The following CNTNAP3 variants were observed in gnomAD, a reference collection of about 807,000 sequenced individuals.
CNTNAP3 encodes contactin associated protein family member 3, also known as contactin-associated protein-like 3.
CNTNAP3 carries 36 observed loss-of-function variants against 92.1 expected under a neutral mutation model. The ratio of observed to expected loss-of-function variants is 0.39; its 90% confidence interval spans 0.30 to 0.52. The LOEUF is 0.52. Among genes scored for constraint, CNTNAP3 ranks in the 20% least tolerant of loss-of-function variants. CNTNAP3 has a pLI of 0.76. For synonymous variants in CNTNAP3, 232 were observed against 422.3 expected (o/e 0.55, Z 5.53); for missense variants, 534 against 1,069.6 (o/e 0.50, Z 6.98).
intron 2 of CNTNAP3, among the ~76,000 whole-genome samples, chr9:39,253,167 TAC>T (rs1325434277): frequency 2.7e-4 from 2 of 7,514 alleles, no homozygotes; most frequent in Admixed American, 3.1e-3. Flanking sequence ...TATATATATA[TAC>T]ACACACACAC....
At position 39,137,767 on chromosome 9, in the gene CNTNAP3, G is replaced by A. The variant is rs7874901; in HGVS notation, c.1876+2752C>T. Among the ~76,000 whole-genome samples the A allele has an allele frequency of 1.5e-3, 234 of 152,270 alleles. 2 individuals carry two copies. Among genetic ancestry groups the A allele is most frequent in the African/African-American group, 5.4e-3 (223 of 41,562 alleles). On this transcript the variant is annotated intron_variant, in intron 12 of 23. Coordinates refer to ENST00000297668, the MANE Select transcript of CNTNAP3 (RefSeq NM_033655.5). The stretch of plus-strand genomic sequence containing the variant: ...CTGACCTCGTGATCCACCTGCCTCA[G>A]CCTCCCACAGTGCTGGGATTACAGG...
At chr9:39,146,934 G>C (rs771683504) in intron 10 of CNTNAP3, among the ~76,000 whole-genome samples, 1 of 152,120 alleles carries the variant, frequency 6.6e-6, no homozygotes, top group Non-Finnish European at 1.5e-5. Flanking sequence ...ATCTCATCTT[G>C]AATTGTAGTT....
chr9:39,077,081 A>T (rs1825796783), intron 23 of CNTNAP3, among the ~76,000 whole-genome samples: 1 of 152,270 alleles, frequency 6.6e-6, no homozygotes, highest in African/African-American at 2.4e-5. Flanking sequence ...ACATATTTTT[A>T]AGCTATGCTT....
At chr9:39,149,703 A>G in intron 10 of CNTNAP3, 103 bp downstream of exon 10, 1 of 718,840 alleles carries the variant, frequency 1.4e-6, no homozygotes, top group South Asian at 1.9e-5. Flanking sequence ...TCGAAAGATA[A>G]CAACAACAAA....
At chr9:39,084,077 C>T (rs1316180959) in intron 21 of CNTNAP3, among the ~76,000 whole-genome samples, 1 of 151,370 alleles carries the variant, frequency 6.6e-6, no homozygotes. Context: ...TAGAATTGCT[C>T]ATATATTAGC....
intron 21 of CNTNAP3, among the ~76,000 whole-genome samples, 178 bp from the exon 22 acceptor site, chr9:39,079,098 T>C (rs1279385723): frequency 1.3e-5 from 2 of 152,114 alleles, no homozygotes; most frequent in African/African-American, 2.4e-5. Flanking sequence ...CTGGCAACTA[T>C]TTCCATTGTC....
chr9:39,133,302 G>T (rs1020834171), intron 12 of CNTNAP3, among the ~76,000 whole-genome samples, 167 bp from the exon 13 acceptor site: 1 of 152,140 alleles, frequency 6.6e-6, no homozygotes, highest in Non-Finnish European at 1.5e-5. Context: ...TACTGAGCCA[G>T]AACTCAGCCT....
intron 13 of CNTNAP3, among the ~76,000 whole-genome samples, chr9:39,122,134 C>T (rs1007309165): frequency 6.6e-6 from 1 of 152,120 alleles, no homozygotes; most frequent in Non-Finnish European, 1.5e-5. Flanking sequence ...GCGGGCAGAT[C>T]ATGAGGTCAG....
intron 21 of CNTNAP3, among the ~76,000 whole-genome samples, chr9:39,079,380 A>G (rs574177626): frequency 2.5e-4 from 38 of 150,810 alleles, no homozygotes; most frequent in Non-Finnish European, 1.9e-4. Flanking sequence ...TGACTTTCAT[A>G]TTATCTTAAT....
intron 21 of CNTNAP3, among the ~76,000 whole-genome samples, chr9:39,081,894 C>T (rs144163400): frequency 0.21 from 29,571 of 142,850 alleles, 3,255 homozygotes; most frequent in East Asian, 0.34. Flanking sequence ...CTGGCTAACA[C>T]GGTGAAACCC....
chr9:39,109,359 A>G, intron 14 of CNTNAP3, 72 bp from the exon 15 acceptor site: 1 of 1,585,018 alleles, frequency 6.3e-7, no homozygotes, highest in East Asian at 2.3e-5. Context: ...CTGATCTCTT[A>G]TCTCAATTTG....
chr9:39,113,770 A>C (rs1216558561), intron 14 of CNTNAP3, among the ~76,000 whole-genome samples: 1 of 151,536 alleles, frequency 6.6e-6, no homozygotes, highest in African/African-American at 2.4e-5. Flanking sequence ...CTTATTCAAC[A>C]ATAATGTATA....
chr9:39,134,429 T>C (rs1004581522), intron 12 of CNTNAP3, among the ~76,000 whole-genome samples: 30 of 150,720 alleles, frequency 2.0e-4, no homozygotes, highest in African/African-American at 6.9e-4. Flanking sequence ...TTTTATTTAA[T>C]TTATTTATTT....
rs556134273 is a variant in CNTNAP3 at position 39,126,469 on chromosome 9, C to T, written c.2080+6463G>A. On this transcript the variant is annotated intron_variant, in intron 13 of 23. Coordinates refer to ENST00000297668, the MANE Select transcript of CNTNAP3 (RefSeq NM_033655.5). ...TCCATGGGCCAGCATTACCCTAATA[C>T]CCAAACCAGCAAAACCTTACAAAAA... Among the ~76,000 whole-genome samples the T allele has an allele frequency of 2.8e-3, 421 of 152,142 alleles. 5 individuals are homozygous for T. The highest frequency in any genetic ancestry group is 5.0e-3 in the Non-Finnish European group (342 of 67,974).
chr9:39,118,481 T>C (rs1451384410), intron 13 of CNTNAP3, among the ~76,000 whole-genome samples: 2 of 152,162 alleles, frequency 1.3e-5, no homozygotes, highest in African/African-American at 4.8e-5. Context: ...AATGATTCCA[T>C]CTATTTTTCT....
At chr9:39,087,831 G>T (rs1441323549) in intron 19 of CNTNAP3, among the ~76,000 whole-genome samples, 1 of 152,112 alleles carries the variant, frequency 6.6e-6, no homozygotes, top group Non-Finnish European at 1.5e-5. Flanking sequence ...AAATTTTTGT[G>T]CTGTGTACCT....
intron 21 of CNTNAP3, among the ~76,000 whole-genome samples, chr9:39,081,806 C>T (rs1252557254): frequency 1.3e-5 from 2 of 151,316 alleles, no homozygotes; most frequent in African/African-American, 2.4e-5. Context: ...AGGCCAGGCA[C>T]GGTGGCTCAT....
intron 12 of CNTNAP3, among the ~76,000 whole-genome samples, chr9:39,136,629 G>A (rs10974166): frequency 0.18 from 27,070 of 152,082 alleles, 3,017 homozygotes; most frequent in East Asian, 0.37. Flanking sequence ...GCCTGGGCAC[G>A]GTGGCTCATG....
At chr9:39,108,626 T>C (rs1826664875) in intron 15 of CNTNAP3, among the ~76,000 whole-genome samples, 1 of 152,182 alleles carries the variant, frequency 6.6e-6, no homozygotes, top group Admixed American at 6.5e-5. Context: ...ACGCAGTAGG[T>C]AGATCCTCTA....
Sources: allele counts gnomAD v4.1 joint callset (sites outside exome capture counted in the v4.1 genomes callset), GRCh38; gene constraint gnomAD v4.1.1; transcripts MANE v1.5; gene names NCBI Gene and HGNC (gene_info 2026-07-23, HGNC 2026-07-21).